Variants in RASGRF2 observed in about 807,000 individuals in gnomAD.
The protein encoded by RASGRF2 is Ras protein specific guanine nucleotide releasing factor 2.
Under a neutral mutation model 151.0 loss-of-function variants are expected in RASGRF2, and 76 were observed. The observed-to-expected ratio is 0.50, with a 90% CI of 0.42 to 0.61. The LOEUF (loss-of-function observed/expected upper bound fraction) is 0.61, where lower values mean the gene tolerates loss of function less well. Among genes scored for constraint, RASGRF2 ranks in the 20% least tolerant of loss-of-function variants. The probability of loss-of-function intolerance (pLI) is 0.00; values close to 1 mark genes in which losing one functional copy is unlikely to be tolerated. For missense variants in RASGRF2, 1,148 were observed against 1,564.6 expected (o/e 0.73, Z 4.49); for synonymous variants, 504 against 566.5 (o/e 0.89, Z 1.57).
intron 1 of RASGRF2, among the ~76,000 whole-genome samples, chr5:80,978,500 A>T (rs554399506): frequency 6.6e-6 from 1 of 152,322 alleles, no homozygotes; most frequent in South Asian, 2.1e-4. Flanking sequence ...AAGGGGGACA[A>T]GGCCAGGCAC....
chr5:81,052,034 C>G (rs1170614477), intron 2 of RASGRF2, among the ~76,000 whole-genome samples: 2 of 152,090 alleles, frequency 1.3e-5, no homozygotes, highest in Non-Finnish European at 2.9e-5. Context: ...ATATATAAAC[C>G]CCTTTAATCT....
intron 18 of RASGRF2, among the ~76,000 whole-genome samples, chr5:81,188,602 C>T (rs1021061584): frequency 6.6e-6 from 1 of 151,698 alleles, no homozygotes; most frequent in Non-Finnish European, 1.5e-5. Flanking sequence ...GACAGAAACC[C>T]AATTTAAAAA....
chr5:81,082,084 C>G (rs1752102579), intron 7 of RASGRF2, among the ~76,000 whole-genome samples: 1 of 152,140 alleles, frequency 6.6e-6, no homozygotes, highest in African/African-American at 2.4e-5. Flanking sequence ...CAAGTTGTAT[C>G]TGTTCCGTAA....
At position 81,090,181 on chromosome 5, in the gene RASGRF2, A is replaced by G. The variant is rs192239220; in HGVS notation, c.1391-2620A>G. Among the ~76,000 whole-genome samples, 226 of 152,308 alleles carry G rather than the reference A, an allele frequency of 1.5e-3. 1 individual carries two copies. The highest frequency in any genetic ancestry group is 2.6e-3 in the Non-Finnish European group (177 of 68,014). On this transcript the variant is annotated intron_variant, in intron 9 of 26. Transcript: ENST00000265080. ...TTTAACTTTGGGTCTAGAGACAGTT[A>G]TATCTTCTCAAATGCCTAACCCAAT... is the stretch of plus-strand genomic sequence containing the variant.
chr5:81,087,073 C>G (rs920695904), intron 9 of RASGRF2, 120 bp downstream of exon 9: 8 of 935,268 alleles, frequency 8.6e-6, no homozygotes, highest in East Asian at 4.8e-5. Flanking sequence ...AGGACCCCCC[C>G]ACGGCCTTCG....
At chr5:81,224,168 T>C (rs908277831) in intron 26 of RASGRF2, among the ~76,000 whole-genome samples, 2 of 152,142 alleles carry the variant, frequency 1.3e-5, no homozygotes, top group African/African-American at 2.4e-5. Flanking sequence ...AGTTAATTCA[T>C]AGAAGAAAAA....
intron 17 of RASGRF2, among the ~76,000 whole-genome samples, chr5:81,161,790 C>A (rs2112639871): frequency 6.6e-6 from 1 of 152,230 alleles, no homozygotes; most frequent in South Asian, 2.1e-4. Context: ...TTGTTAAAAT[C>A]CTCATAATGA....
intron 1 of RASGRF2, among the ~76,000 whole-genome samples, 165 bp downstream of exon 1, chr5:80,961,191 T>C (rs1273379895): frequency 6.6e-6 from 1 of 152,200 alleles, no homozygotes; most frequent in Non-Finnish European, 1.5e-5. Context: ...CCTTCCGATC[T>C]TCATCCAGGG....
intron 17 of RASGRF2, among the ~76,000 whole-genome samples, chr5:81,139,537 C>T (rs1447932459): frequency 2.0e-5 from 3 of 151,056 alleles, no homozygotes; most frequent in Non-Finnish European, 4.4e-5. Flanking sequence ...AATAACTTTT[C>T]GTATTTTTAG....
intron 9 of RASGRF2, chr5:81,087,317 C>A (rs774081598): frequency 1.1e-5 from 8 of 702,936 alleles, no homozygotes; most frequent in Middle Eastern, 2.3e-4. Context: ...GAGAAACTTG[C>A]GTTGCTCAAA....
At chr5:81,041,655 G>A (rs1415328410) in intron 1 of RASGRF2, among the ~76,000 whole-genome samples, 1 of 152,088 alleles carries the variant, frequency 6.6e-6, no homozygotes. Flanking sequence ...TTGAATCTTG[G>A]TTATATGATT....
intron 2 of RASGRF2, among the ~76,000 whole-genome samples, chr5:81,060,977 C>T (rs1227798596): frequency 1.3e-5 from 2 of 152,010 alleles, no homozygotes; most frequent in Admixed American, 6.6e-5. Flanking sequence ...TGTGTATACA[C>T]TTAATTTTCT....
At chr5:81,225,297 A>T (rs1755947807) in intron 26 of RASGRF2, among the ~76,000 whole-genome samples, 1 of 152,234 alleles carries the variant, frequency 6.6e-6, no homozygotes, top group Non-Finnish European at 1.5e-5. Context: ...CTACTGTCAC[A>T]GGGAGCTCTC....
intron 1 of RASGRF2, among the ~76,000 whole-genome samples, chr5:81,003,275 T>C (rs1330326878): frequency 7.2e-6 from 1 of 138,484 alleles, no homozygotes; most frequent in Non-Finnish European, 1.5e-5. Flanking sequence ...CAGGCTGGAG[T>C]GCAATGGCGC....
chr5:80,982,827 C>T (rs1748353484), intron 1 of RASGRF2, among the ~76,000 whole-genome samples: 1 of 151,968 alleles, frequency 6.6e-6, no homozygotes, highest in Admixed American at 6.6e-5. Context: ...GTCTCGATCT[C>T]CTGACCTCAT....
intron 1 of RASGRF2, among the ~76,000 whole-genome samples, chr5:80,967,263 C>T (rs1453887804): frequency 6.6e-6 from 1 of 152,130 alleles, no homozygotes; most frequent in Admixed American, 6.5e-5. Flanking sequence ...TGGAGCATGC[C>T]TGTAATCCCA....
chr5:81,047,834 C>T (rs1750886833), intron 2 of RASGRF2, among the ~76,000 whole-genome samples: 2 of 152,132 alleles, frequency 1.3e-5, no homozygotes, highest in South Asian at 4.1e-4. Context: ...TTTTTGATTA[C>T]CTGTGTCTGA....
chr5:81,028,910 C>A (rs1410777277), intron 1 of RASGRF2, among the ~76,000 whole-genome samples: 1 of 152,152 alleles, frequency 6.6e-6, no homozygotes, highest in Non-Finnish European at 1.5e-5. Context: ...CAAGGGAAGC[C>A]CTGCCAGATG....
intron 1 of RASGRF2, among the ~76,000 whole-genome samples, chr5:81,032,029 CA>C (rs1284622317): frequency 6.6e-6 from 1 of 152,088 alleles, no homozygotes; most frequent in Non-Finnish European, 1.5e-5. Context: ...CACCTCTATG[CA>C]AATAAACTAG....
Sources: gnomAD v4.1 joint callset for allele counts (sites outside exome capture counted in the v4.1 genomes callset) on GRCh38, gnomAD v4.1.1 for gene constraint, MANE v1.5 for transcripts, NCBI Gene and HGNC (gene_info 2026-07-23, HGNC 2026-07-21) for gene names.